The following SORCS3 variants were observed in gnomAD, a reference collection of about 807,000 sequenced individuals.
SORCS3 encodes VPS10 domain-containing receptor SorCS3.
Under a neutral mutation model 146.3 loss-of-function variants are expected in SORCS3, and 57 were observed. That is an observed-to-expected ratio of 0.39 (90% CI 0.31 to 0.49). The LOEUF is 0.49. Among genes scored for constraint, SORCS3 ranks in the 20% least tolerant of loss-of-function variants. SORCS3 has a pLI of 0.92. For missense variants in SORCS3, 1,341 were observed against 1,575.5 expected (o/e 0.85, Z 2.52); for synonymous variants, 653 against 618.5 (o/e 1.06, Z -0.83).
intron 6 of SORCS3, among the ~76,000 whole-genome samples, chr10:105,099,890 T>C (rs1031160871): frequency 2.5e-4 from 38 of 152,208 alleles, no homozygotes; most frequent in African/African-American, 8.9e-4. Flanking sequence ...AGGAATCTTC[T>C]GAGGGCAAGA....
chr10:105,036,507 C>A (rs1388702494), intron 4 of SORCS3, among the ~76,000 whole-genome samples: 1 of 152,106 alleles, frequency 6.6e-6, no homozygotes, highest in Non-Finnish European at 1.5e-5. Flanking sequence ...ACCTGTAAAC[C>A]CAGCACTTTG....
chr10:104,826,475 C>T (rs2017936573), intron 1 of SORCS3, among the ~76,000 whole-genome samples: 1 of 152,088 alleles, frequency 6.6e-6, no homozygotes, highest in East Asian at 1.9e-4. Flanking sequence ...TTTGGTTGCC[C>T]CATGCACATA....
intron 7 of SORCS3, among the ~76,000 whole-genome samples, chr10:105,123,551 A>G (rs887986918): frequency 2.6e-5 from 4 of 152,206 alleles, no homozygotes; most frequent in Non-Finnish European, 5.9e-5. Context: ...AGTAAATAAG[A>G]AAGTTATGTT....
intron 7 of SORCS3, among the ~76,000 whole-genome samples, chr10:105,116,505 A>G (rs1423816274): frequency 2.0e-5 from 3 of 152,190 alleles, no homozygotes; most frequent in African/African-American, 7.2e-5. Flanking sequence ...AAACAGGATT[A>G]CCATTCGACC....
At chr10:105,065,038 G>A (rs925502997) in intron 5 of SORCS3, among the ~76,000 whole-genome samples, 29 of 152,128 alleles carry the variant, frequency 1.9e-4, no homozygotes, top group African/African-American at 6.5e-4. Context: ...ACTAAATCAC[G>A]TAGGGTGCAG....
chr10:105,221,679 G>C (rs1357333211), intron 19 of SORCS3, among the ~76,000 whole-genome samples: 1 of 152,130 alleles, frequency 6.6e-6, no homozygotes, highest in Non-Finnish European at 1.5e-5. Flanking sequence ...AGCAAATAAG[G>C]ACGGCTAGAT....
intron 4 of SORCS3, among the ~76,000 whole-genome samples, chr10:105,001,103 A>G (rs140220365): frequency 6.6e-6 from 1 of 152,282 alleles, no homozygotes; most frequent in African/African-American, 2.4e-5. Flanking sequence ...TATTTCTCCT[A>G]GATAATTTTC....
chr10:104,667,374 C>T (rs573569692), intron 1 of SORCS3, among the ~76,000 whole-genome samples: 4 of 152,286 alleles, frequency 2.6e-5, no homozygotes, highest in African/African-American at 7.2e-5. Context: ...GCCTGCCCTC[C>T]TCTCTTGATC....
chr10:105,041,781 C>T (rs1202160385), intron 4 of SORCS3, among the ~76,000 whole-genome samples: 1 of 152,110 alleles, frequency 6.6e-6, no homozygotes, highest in South Asian at 2.1e-4. Flanking sequence ...TATAGGAGAG[C>T]AGATATTGGG....
intron 4 of SORCS3, among the ~76,000 whole-genome samples, chr10:105,011,457 C>T (rs546044151): frequency 6.6e-6 from 1 of 152,288 alleles, no homozygotes; most frequent in Non-Finnish European, 1.5e-5. Context: ...TTTCACTGAG[C>T]AGTGATTCTC....
At chr10:105,061,688 A>G (rs1210932707) in intron 5 of SORCS3, among the ~76,000 whole-genome samples, 1 of 148,020 alleles carries the variant, frequency 6.8e-6, no homozygotes, top group Admixed American at 6.7e-5. Flanking sequence ...CAGGAGGTTT[A>G]GGAGCTCTCA....
At chr10:105,115,071 G>A (rs2133760496) in intron 7 of SORCS3, among the ~76,000 whole-genome samples, 1 of 152,228 alleles carries the variant, frequency 6.6e-6, no homozygotes, top group Admixed American at 6.5e-5. Flanking sequence ...ATGGAGCATT[G>A]CCCTGGTCTC....
chr10:104,682,715 G>T (rs2015994326), intron 1 of SORCS3, among the ~76,000 whole-genome samples: 1 of 152,166 alleles, frequency 6.6e-6, no homozygotes, highest in South Asian at 2.1e-4. Flanking sequence ...TATTTATTTT[G>T]CTAAAATCAT....
Position 104,729,257 on chromosome 10 carries a change from A to C in SORCS3, c.627+87303A>C, listed in dbSNP as rs565526809. On this transcript the variant is annotated intron_variant, in intron 1 of 26. Transcript: ENST00000369701. ...GTTTTATGGTACACGTGTATATCCT[A>C]CTTTCAGCAAGACATTTGAAAAGTC... Among the ~76,000 whole-genome samples the C allele has an allele frequency of 3.0e-4, 46 of 152,328 alleles. 1 individual carries two copies. The East Asian group carries it at 8.1e-3, about 27-fold the overall frequency.
intron 1 of SORCS3, among the ~76,000 whole-genome samples, chr10:104,751,925 ATATATATATATATATATATATAT>A (rs2016989786): frequency 1.1e-4 from 1 of 9,406 alleles, no homozygotes; most frequent in Non-Finnish European, 1.7e-4. Flanking sequence ...AATAGGAAGC[ATATATATATATATATATATATAT>A]ATATATATAT....
chr10:104,919,668 A>G (rs1301045769), intron 3 of SORCS3, among the ~76,000 whole-genome samples: 1 of 152,148 alleles, frequency 6.6e-6, no homozygotes, highest in African/African-American at 2.4e-5. Context: ...CAGCCTGGGC[A>G]ACAAGAGTGA....
intron 1 of SORCS3, among the ~76,000 whole-genome samples, chr10:104,814,071 G>C (rs189356478): frequency 3.3e-5 from 5 of 151,746 alleles, no homozygotes; most frequent in Non-Finnish European, 5.9e-5. Flanking sequence ...TCATGCACAG[G>C]CTCTTCTAGA....
At chr10:104,943,793 T>C (rs1283659771) in intron 3 of SORCS3, among the ~76,000 whole-genome samples, 2 of 152,202 alleles carry the variant, frequency 1.3e-5, no homozygotes, top group Non-Finnish European at 2.9e-5. Flanking sequence ...GAGATATTAC[T>C]AGACATAAGA....
At chr10:104,871,903 C>A (rs2018522390) in intron 2 of SORCS3, among the ~76,000 whole-genome samples, 1 of 152,060 alleles carries the variant, frequency 6.6e-6, no homozygotes, top group Non-Finnish European at 1.5e-5. Context: ...CAGTTTTACC[C>A]CTTTGCGTCT....
Sources: gnomAD v4.1 joint callset for allele counts (sites outside exome capture counted in the v4.1 genomes callset) on GRCh38, gnomAD v4.1.1 for gene constraint, MANE v1.5 for transcripts, NCBI Gene and HGNC (gene_info 2026-07-23, HGNC 2026-07-21) for gene names.